SMG6: variants seen among roughly 807,000 people sequenced by gnomAD.
SMG6 encodes SMG6 nonsense mediated mRNA decay factor, also known as telomerase-binding protein EST1A.
SMG6 carries 66 observed loss-of-function variants against 142.2 expected under a neutral mutation model. That is an observed-to-expected ratio of 0.46 (90% confidence interval 0.38 to 0.57). The LOEUF is 0.57. Ranked by LOEUF, SMG6 falls within the 20% of genes least tolerant of loss-of-function variation. The probability of loss-of-function intolerance (pLI) is 0.00; values close to 1 mark genes in which losing one functional copy is unlikely to be tolerated. For missense variants in SMG6, 1,793 were observed against 1,832.0 expected (o/e 0.98, Z 0.39); for synonymous variants, 779 against 702.4 (o/e 1.11, Z -1.72).
At chr17:2,182,493 AG>A (rs34453354) in intron 12 of SMG6, among the ~76,000 whole-genome samples, 1 of 152,116 alleles carries the variant, frequency 6.6e-6, no homozygotes, top group Non-Finnish European at 1.5e-5. Context: ...ATAACAGTCC[AG>A]GGGGTACATC....
chr17:2,078,578 G>A (rs1433844213), intron 15 of SMG6, among the ~76,000 whole-genome samples: 4 of 152,026 alleles, frequency 2.6e-5, no homozygotes, highest in Non-Finnish European at 5.9e-5. Flanking sequence ...CATCATGTTG[G>A]CCAGGCTGGT....
intron 9 of SMG6, chr17:2,237,496 T>C: frequency 1.0e-6 from 1 of 985,508 alleles, no homozygotes; most frequent in East Asian, 1.1e-4. Context: ...TGCCTAGACC[T>C]AGAAGCCCCC....
At chr17:2,118,982 C>A (rs2069594628) in intron 13 of SMG6, among the ~76,000 whole-genome samples, 1 of 151,570 alleles carries the variant, frequency 6.6e-6, no homozygotes, top group Admixed American at 6.6e-5. Flanking sequence ...CTCACTGCAA[C>A]CTCCGTCTCC....
chr17:2,253,746 G>T (rs2074101723), intron 8 of SMG6, among the ~76,000 whole-genome samples: 2 of 152,140 alleles, frequency 1.3e-5, no homozygotes, highest in African/African-American at 4.8e-5. Flanking sequence ...AACTTTTCTT[G>T]CCAGCTTCTG....
intron 8 of SMG6, chr17:2,266,212 T>C (rs1597742241): frequency 2.0e-6 from 2 of 984,346 alleles, no homozygotes; most frequent in African/African-American, 1.7e-5. Flanking sequence ...ACTTTCCGGA[T>C]GGTAACTAAA....
At chr17:2,244,481 T>C (rs965461999) in intron 9 of SMG6, among the ~76,000 whole-genome samples, 177 bp downstream of exon 9, 1 of 152,104 alleles carries the variant, frequency 6.6e-6, no homozygotes, top group Non-Finnish European at 1.5e-5. Context: ...GAGTAATATT[T>C]ACCAAATTTC....
chr17:2,225,899 G>A (rs1455232577), intron 10 of SMG6, among the ~76,000 whole-genome samples: 3 of 152,172 alleles, frequency 2.0e-5, no homozygotes, highest in African/African-American at 4.8e-5. Flanking sequence ...GAAGAGACAG[G>A]AGAATGAGAA....
intron 10 of SMG6, among the ~76,000 whole-genome samples, chr17:2,223,337 G>A (rs547059542): frequency 9.9e-5 from 15 of 152,284 alleles, no homozygotes; most frequent in Non-Finnish European, 1.8e-4. Flanking sequence ...GATCACACGC[G>A]CATATTTTCT....
At chr17:2,064,616 T>G in intron 18 of SMG6, among the ~76,000 whole-genome samples, 1 of 151,204 alleles carries the variant, frequency 6.6e-6, no homozygotes. Flanking sequence ...CACTCAGGGG[T>G]GAACAGAGAA....
At chr17:2,167,878 T>G (rs1051178109) in intron 13 of SMG6, among the ~76,000 whole-genome samples, 1 of 152,170 alleles carries the variant, frequency 6.6e-6, no homozygotes, top group African/African-American at 2.4e-5. Context: ...ATTTCCTTTT[T>G]CTTTCTTTTT....
chr17:2,211,384 G>A (rs2072856246), intron 10 of SMG6, among the ~76,000 whole-genome samples: 1 of 152,140 alleles, frequency 6.6e-6, no homozygotes, highest in African/African-American at 2.4e-5. Context: ...TGTTATTTGG[G>A]CCAGGCGCGG....
chr17:2,107,275 T>A (rs548457182), intron 13 of SMG6, among the ~76,000 whole-genome samples: 2 of 152,236 alleles, frequency 1.3e-5, no homozygotes, highest in East Asian at 3.9e-4. Context: ...CGGGAGTTCA[T>A]GAAGAGGTTC....
Position 2,061,473 on chromosome 17 carries a change from G to GA in SMG6, c.*18_*19insT, listed in dbSNP as rs932843791. On this transcript the variant is annotated 3_prime_UTR_variant, in exon 19 of 19. Coordinates refer to ENST00000263073, the MANE Select transcript of SMG6 (RefSeq NM_017575.5). ...TTTCAGGAACGGTTCCACGGGGGGG[G>GA]GGCCCCAGTGTGGCTCCCTCAGCCC... is the stretch of plus-strand genomic sequence containing the variant. 6.4e-6 allele frequency: 10 copies of GA among 1,565,806 alleles called. No homozygotes were observed. Among genetic ancestry groups the GA allele is most frequent in the Non-Finnish European group, 8.6e-6 (10 of 1,157,366 alleles).
intron 10 of SMG6, among the ~76,000 whole-genome samples, chr17:2,228,226 G>A (rs1194762578): frequency 6.6e-6 from 1 of 151,572 alleles, no homozygotes; most frequent in Admixed American, 6.6e-5. Context: ...ACTGCGCCCA[G>A]CTAACTTTTT....
intron 8 of SMG6, among the ~76,000 whole-genome samples, chr17:2,253,626 A>C (rs2074098879): frequency 6.6e-6 from 1 of 152,128 alleles, no homozygotes; most frequent in Non-Finnish European, 1.5e-5. Flanking sequence ...CCCCTCCGCC[A>C]CCAGAATATT....
chr17:2,294,042 C>T (rs1042452963), intron 4 of SMG6, among the ~76,000 whole-genome samples: 3 of 152,162 alleles, frequency 2.0e-5, no homozygotes, highest in Non-Finnish European at 4.4e-5. Flanking sequence ...AATTCCACTC[C>T]ACTCCACACA....
Position 2,172,701 on chromosome 17 carries a change from GC to G in SMG6, c.3313del (p.Ala1105LeufsTer27). The G allele has an allele frequency of 6.2e-7, 1 of 1,613,982 alleles. No individual in the cohort carries two copies. Among genetic ancestry groups the G allele is most frequent in the Non-Finnish European group, 8.5e-7 (1 of 1,180,012 alleles). The part of the protein sequence containing the change: ...RLLSGFVPLL[A>X]APQDPCYVEK... ...CACGTAGCAGGGGTCCTGAGGGGCA[GC>G]CAGCAAGGGGACAAAGCCCGAGAGA... On this transcript the variant is annotated frameshift_variant, in exon 13 of 19. Transcript: ENST00000263073. LOFTEE classifies it high-confidence loss of function.
rs115678956 is a variant in SMG6 at position 2,196,862 on chromosome 17, C to T, written c.2870-8347G>A. 6.8e-3 allele frequency among the ~76,000 whole-genome samples: 1,036 copies of T among 152,210 alleles called. 14 individuals are homozygous for T. Among genetic ancestry groups the T allele is most frequent in the African/African-American group, 0.023 (975 of 41,506 alleles). On this transcript the variant is annotated intron_variant, in intron 10 of 18. Transcript: ENST00000263073. ...TAAACAACATAGCAAGACCCCACCT[C>T]TTCTAAAATAAAATTAAAAGGAGGA...
intron 9 of SMG6, among the ~76,000 whole-genome samples, chr17:2,241,576 TG>T (rs2073801169): frequency 1.3e-5 from 2 of 152,184 alleles, no homozygotes; most frequent in Non-Finnish European, 2.9e-5. Flanking sequence ...AAAAGAGAGA[TG>T]GGGTCTTCTG....
Sources: gnomAD v4.1 joint callset for allele counts (sites outside exome capture counted in the v4.1 genomes callset) on GRCh38, gnomAD v4.1.1 for gene constraint, MANE v1.5 for transcripts, NCBI Gene and HGNC (gene_info 2026-07-23, HGNC 2026-07-21) for gene names.